The following ZCRB1 variants were observed in gnomAD, a reference collection of about 807,000 sequenced individuals.
ZCRB1 encodes zinc finger CCHC-type and RNA-binding motif-containing protein 1.
In ZCRB1, 21 loss-of-function variants were observed where a neutral mutation model predicts 29.9. The observed-to-expected ratio is 0.70, with a 90% CI of 0.50 to 1.01. ZCRB1 has a LOEUF of 1.01. Ranked by LOEUF, ZCRB1 falls within the 50% of genes least tolerant of loss-of-function variation. The pLI, the probability that ZCRB1 is intolerant of heterozygous loss-of-function variation, is 0.00. For missense variants in ZCRB1, 204 were observed against 253.3 expected (o/e 0.81, Z 1.32); for synonymous variants, 77 against 80.0 (o/e 0.96, Z 0.20).
intron 5 of ZCRB1, 31 bp downstream of exon 5, chr12:42,317,309 G>A (rs779532952): frequency 6.7e-7 from 1 of 1,502,354 alleles, no homozygotes; most frequent in Non-Finnish European, 9.1e-7. Context: ...TTAAACTATG[G>A]AAAGTTCCAT....
chr12:42,324,111 G>GTGAAAACAAACTTATCAGCA lies in ZCRB1; in HGVS notation c.-2-27_-2-8dup. 6.2e-7 allele frequency: 1 copy of GTGAAAACAAACTTATCAGCA among 1,612,968 alleles called. No individual in the cohort carries two copies. Among genetic ancestry groups the GTGAAAACAAACTTATCAGCA allele is most frequent in the Non-Finnish European group, 8.5e-7 (1 of 1,179,024 alleles). On this transcript the variant is annotated splice_region_variant and splice_polypyrimidine_tract_variant and intron_variant, in intron 1 of 7. Coordinates refer to ENST00000266529, the MANE Select transcript of ZCRB1 (RefSeq NM_033114.4). Reference sequence around the variant, plus strand: ...GCCAATCCACCACTCATTTCTAAAAGTGAAAACAAACTTATCAGCAATCAG... The same window carrying GTGAAAACAAACTTATCAGCA: ...GCCAATCCACCACTCATTTCTAAAAGTGAAAACAAACTTATCAGCATGAAAACAAACTTATCAGCAATCAG...
rs113959804 is a variant in ZCRB1 at position 42,315,318 on chromosome 12, G to A, written c.334-1332C>T. On this transcript the variant is annotated intron_variant, in intron 5 of 7. Transcript: ENST00000266529. Reference sequence around the variant, plus strand: ...ATTTAAGAGGTTATGTCAGGGTAGGGTGTGGGGACTGAGCCAAGGTTAGAA... The same window carrying A: ...ATTTAAGAGGTTATGTCAGGGTAGGATGTGGGGACTGAGCCAAGGTTAGAA... Among the ~76,000 whole-genome samples the A allele has an allele frequency of 1.7e-3, 255 of 152,290 alleles. 1 individual carries two copies. Among genetic ancestry groups the A allele is most frequent in the African/African-American group, 5.8e-3 (240 of 41,552 alleles).
chr12:42,314,309 T>C (rs1278819643), intron 5 of ZCRB1, among the ~76,000 whole-genome samples: 2 of 142,964 alleles, frequency 1.4e-5, no homozygotes, highest in South Asian at 2.2e-4. Context: ...CCTGTAATCC[T>C]AGCACTTTGG....
intron 3 of ZCRB1, among the ~76,000 whole-genome samples, chr12:42,319,997 A>G (rs1363765357): frequency 6.6e-6 from 1 of 152,164 alleles, no homozygotes; most frequent in African/African-American, 2.4e-5. Context: ...CAAACCAACT[A>G]TCATACAATA....
intron 2 of ZCRB1, among the ~76,000 whole-genome samples, 166 bp from the exon 3 acceptor site, chr12:42,322,612 T>C (rs1321175035): frequency 6.6e-6 from 1 of 152,218 alleles, no homozygotes; most frequent in Non-Finnish European, 1.5e-5. Context: ...ACTAGAATAA[T>C]ATACTTACTG....
chr12:42,315,768 C>T (rs2068591773), intron 5 of ZCRB1, among the ~76,000 whole-genome samples: 1 of 152,138 alleles, frequency 6.6e-6, no homozygotes, highest in Admixed American at 6.5e-5. Flanking sequence ...TACCTTCCCT[C>T]CCTCCCTTTC....
intron 3 of ZCRB1, among the ~76,000 whole-genome samples, chr12:42,319,421 T>C (rs1349130019): frequency 1.3e-5 from 2 of 152,224 alleles, no homozygotes; most frequent in Non-Finnish European, 2.9e-5. Flanking sequence ...GTATCCTTGA[T>C]GATTTGGCTC....
intron 3 of ZCRB1, among the ~76,000 whole-genome samples, chr12:42,318,216 C>T (rs979113207): frequency 6.6e-6 from 1 of 151,874 alleles, no homozygotes; most frequent in African/African-American, 2.4e-5. Context: ...CCTTGCAAAA[C>T]AAAACAAAAT....
At chr12:42,325,131 C>T (rs1413564224) in intron 1 of ZCRB1, among the ~76,000 whole-genome samples, 1 of 152,208 alleles carries the variant, frequency 6.6e-6, no homozygotes, top group African/African-American at 2.4e-5. Flanking sequence ...AGAAAACGTA[C>T]ACTAAAAATA....
intron 5 of ZCRB1, among the ~76,000 whole-genome samples, chr12:42,316,817 A>AT (rs1349032057): frequency 6.6e-6 from 1 of 152,216 alleles, no homozygotes; most frequent in Non-Finnish European, 1.5e-5. Context: ...ATTTTCAAAG[A>AT]TTTAGGAACT....
At position 42,324,082 on chromosome 12, in the gene ZCRB1, T is replaced by C. The variant is rs1268703995; in HGVS notation, c.21A>G (p.Pro7=). MSGGLA[P]SKSTVYVSNL... ...TGGATACATACACTGTGCTCTTACT[T>C]GGAGCCAATCCACCACTCATTTCTA... The change falls in exon 2 of 8, where the codon CCA becomes CCG. Residue 7 remains proline (P), a synonymous_variant. Coordinates refer to ENST00000266529, the MANE Select transcript of ZCRB1 (RefSeq NM_033114.4). 6.2e-7 allele frequency: 1 copy of C among 1,614,062 alleles called. No homozygotes were observed.
intron 3 of ZCRB1, 57 bp downstream of exon 3, chr12:42,322,361 G>A: frequency 7.2e-7 from 1 of 1,384,910 alleles, no homozygotes; most frequent in Non-Finnish European, 9.6e-7. Context: ...AAAAAATGTA[G>A]AAGCAAATTC....
intron 2 of ZCRB1, 116 bp downstream of exon 2, chr12:42,323,903 T>C (rs1213544404): frequency 2.1e-6 from 2 of 948,878 alleles, no homozygotes; most frequent in Non-Finnish European, 3.2e-6. Flanking sequence ...AGTGACAGAA[T>C]TAGACTGTCT....
chr12:42,313,425 T>C (rs1183629972), intron 7 of ZCRB1, among the ~76,000 whole-genome samples: 1 of 152,172 alleles, frequency 6.6e-6, no homozygotes, highest in Admixed American at 6.5e-5. Flanking sequence ...TTGGGCTATA[T>C]TCACTTTGAG....
intron 1 of ZCRB1, among the ~76,000 whole-genome samples, chr12:42,325,040 C>A (rs912516047): frequency 3.9e-5 from 6 of 152,186 alleles, no homozygotes; most frequent in African/African-American, 1.4e-4. Context: ...TGCTCCTAGG[C>A]TACAACCTGT....
In ZCRB1 at chr12:42,317,425, G is replaced by A. The variant is rs748871691; in HGVS notation, c.248C>T (p.Ala83Val). Reference protein sequence around the residue: ...NKQLFGRVIKASIAIDNGRAA... With the variant: ...NKQLFGRVIKVSIAIDNGRAA... ...TCTTCCATTGTCAATAGCAATGCTT[G>A]CTTTTATCACTCTACCAAATAACTA... is the stretch of plus-strand genomic sequence containing the variant. The change falls in exon 5 of 8, where the codon GCA becomes GTA. Residue 83 changes from alanine to valine, a missense_variant. Transcript: ENST00000266529. The A allele has an allele frequency of 1.9e-6, 3 of 1,610,350 alleles. No homozygotes were observed. The highest frequency in any genetic ancestry group is 1.7e-6 in the Non-Finnish European group (2 of 1,178,786).
At chr12:42,314,037 T>C (rs2068582499) in intron 5 of ZCRB1, 51 bp from the exon 6 acceptor site, 2 of 1,550,862 alleles carry the variant, frequency 1.3e-6, no homozygotes, top group Non-Finnish European at 8.6e-7. Context: ...TTGATGTTAT[T>C]TATAAAAACT....
rs559417246 is a variant in ZCRB1, at chr12:42,322,196, TA to T, written c.113+221del. 2.5e-4 allele frequency among the ~76,000 whole-genome samples: 38 copies of T among 151,660 alleles called. No individual in the cohort carries two copies. The South Asian group carries it at 5.4e-3, about 22-fold the overall frequency. On this transcript the variant is annotated intron_variant, in intron 3 of 7. Transcript: ENST00000266529. ...GAAAGACATTTATGGTATGTCAAAT[TA>T]AAAAAGAAAAGAAAATTGTATGTAT... is the stretch of plus-strand genomic sequence containing the variant.
intron 6 of ZCRB1, 29 bp downstream of exon 6, chr12:42,313,845 G>A (rs1416709820): frequency 6.2e-7 from 1 of 1,608,626 alleles, no homozygotes; most frequent in East Asian, 2.2e-5. Flanking sequence ...GCAACATGAT[G>A]ATGTATTTAG....
Sources: gnomAD v4.1 joint callset for allele counts (sites outside exome capture counted in the v4.1 genomes callset) on GRCh38, gnomAD v4.1.1 for gene constraint, MANE v1.5 for transcripts, NCBI Gene and HGNC (gene_info 2026-07-23, HGNC 2026-07-21) for gene names.